The following IPO8 variants were observed in gnomAD, a reference collection of about 807,000 sequenced individuals.
IPO8 encodes importin-8.
In IPO8, 65 loss-of-function variants were observed where a neutral mutation model predicts 141.2. That is an observed-to-expected ratio of 0.46 (90% CI 0.38 to 0.57). IPO8 has a LOEUF of 0.57. Among genes scored for constraint, IPO8 ranks in the 20% least tolerant of loss-of-function variants. IPO8 has a pLI of 0.00. For missense variants in IPO8, 980 were observed against 1,246.8 expected (o/e 0.79, Z 3.22); for synonymous variants, 411 against 420.3 (o/e 0.98, Z 0.27).
intron 19 of IPO8, among the ~76,000 whole-genome samples, chr12:30,650,947 G>C (rs2136138565): frequency 6.6e-6 from 1 of 152,060 alleles, no homozygotes; most frequent in Non-Finnish European, 1.5e-5. Flanking sequence ...AAAGTGCTTA[G>C]AAAATGGCTG....
At chr12:30,673,121 T>C (rs2053074037) in intron 8 of IPO8, among the ~76,000 whole-genome samples, 2 of 151,988 alleles carry the variant, frequency 1.3e-5, no homozygotes, top group African/African-American at 2.4e-5. Context: ...TAGCCAGGTG[T>C]GGTGATGTGT....
intron 19 of IPO8, among the ~76,000 whole-genome samples, chr12:30,650,635 G>T (rs1017966099): frequency 1.3e-5 from 2 of 152,026 alleles, no homozygotes; most frequent in African/African-American, 4.8e-5. Context: ...GGGAATAAAA[G>T]AACCTACTTC....
chr12:30,695,566 G>A lies in IPO8; in HGVS notation c.82C>T (p.Gln28Ter), dbSNP rs2053331144. Residue 28 changes from glutamine to a stop codon, truncating the protein, a stop_gained and splice_region_variant, in exon 1 of 25, where the codon CAG (glutamine) becomes TAG (stop). Coordinates refer to ENST00000256079, the MANE Select transcript of IPO8 (RefSeq NM_006390.4). LOFTEE classifies it high-confidence loss of function. This position sits in a 1 kb window ranked among gnomAD's most constrained non-coding sequence, Gnocchi z 4.2. ...GTCGCCGAAGACCCTCTCCTCACCT[G>A]GTTGAGCTCGTTCTCGGCTGCAATC... ...LRIAAENELN[Q>*]SYKIINFAPS... 1 of 1,613,886 alleles carries A rather than the reference G, an allele frequency of 6.2e-7. No homozygotes were observed. The highest frequency in any genetic ancestry group is 8.5e-7 in the Non-Finnish European group (1 of 1,179,828).
At chr12:30,680,763 A>G in intron 4 of IPO8, 125 bp from the exon 5 acceptor site, 2 of 732,238 alleles carry the variant, frequency 2.7e-6, no homozygotes, top group Non-Finnish European at 4.2e-6. Context: ...ATTGGCTTCT[A>G]GTTTGTTTGA....
chr12:30,652,986 A>T lies in IPO8; in HGVS notation c.2055T>A (p.Asp685Glu). ...CCATACCTGTAAAGTATTCAAAGCA[A>T]TCCTGCTGAAACACTTCATATAGTA... ...LGILYEVFQQ[D>E]CFEYFTDMMP... The change falls in exon 18 of 25, where the codon GAT becomes GAA. Residue 685 changes from aspartate (D) to glutamate (E), a missense_variant. By Grantham distance (45) the Asp-to-Glu change is conservative. Around this residue, in one of 3 missense-constraint regions of IPO8, gnomAD observed 924 missense variants for 1,153.9 expected, o/e 0.80. Coordinates refer to ENST00000256079, the MANE Select transcript of IPO8 (RefSeq NM_006390.4). 1 of 1,610,738 alleles carries T rather than the reference A, an allele frequency of 6.2e-7. No individual in the cohort carries two copies. Among genetic ancestry groups the T allele is most frequent in the Non-Finnish European group, 8.5e-7 (1 of 1,178,450 alleles).
At chr12:30,687,605 G>A (rs80043412) in intron 2 of IPO8, among the ~76,000 whole-genome samples, 4,455 of 151,908 alleles carry the variant, frequency 0.029, 205 homozygotes, top group African/African-American at 0.1. Flanking sequence ...TCTGTGAAAG[G>A]CTAGATTAGA....
Position 30,661,184 on chromosome 12 carries a change from T to C in IPO8, c.1838A>G (p.His613Arg), listed in dbSNP as rs2052881634. ...DKTVMAMGIL[H>R]TIDTILTVVE... ...AACTGTTAAGATAGTATCAATGGTA[T>C]GTAAAATTCCCATAGCCATTACTGT... The change falls in exon 16 of 25, where the codon CAT becomes CGT. Residue 613 changes from histidine (H) to arginine (R), a missense_variant. By Grantham distance (29) the His-to-Arg change is conservative (BLOSUM62 0). Around this residue, in one of 3 missense-constraint regions of IPO8, gnomAD observed 924 missense variants for 1,153.9 expected, o/e 0.80. Coordinates refer to ENST00000256079, the MANE Select transcript of IPO8 (RefSeq NM_006390.4). 1 of 1,592,924 alleles carries C rather than the reference T, an allele frequency of 6.3e-7. No homozygotes were observed. Among genetic ancestry groups the C allele is most frequent in the Non-Finnish European group, 8.6e-7 (1 of 1,168,776 alleles).
intron 9 of IPO8, among the ~76,000 whole-genome samples, chr12:30,670,406 C>G (rs1765877956): frequency 6.6e-6 from 1 of 152,134 alleles, no homozygotes; most frequent in African/African-American, 2.4e-5. Context: ...TTATTAGTGG[C>G]CTATAATTTT....
Position 30,653,112 on chromosome 12 carries a change from T to G in IPO8, c.1949-20A>C, listed in dbSNP as rs199570084. 6.2e-7 allele frequency: 1 copy of G among 1,603,332 alleles called. No individual in the cohort carries two copies. The highest frequency in any genetic ancestry group is 1.1e-5 in the South Asian group (1 of 90,440). ...AGAATTCTAGAAGAAAGAAAATCTC[T>G]AGTTAGAATGCTAGGAAATAGCAAA... On this transcript the variant is annotated intron_variant, in intron 17 of 24. Transcript: ENST00000256079.
chr12:30,646,121 AC>A (rs1463669412), intron 20 of IPO8, among the ~76,000 whole-genome samples: 1 of 152,216 alleles, frequency 6.6e-6, no homozygotes, highest in Admixed American at 6.5e-5. Context: ...TTTAAAAACT[AC>A]CAGGAAATTT....
intron 2 of IPO8, among the ~76,000 whole-genome samples, chr12:30,685,144 T>C (rs2136172905): frequency 7.0e-6 from 1 of 143,046 alleles, no homozygotes; most frequent in East Asian, 2.0e-4. Context: ...TTTTCTTTTC[T>C]TTTTTTTTTT....
At chr12:30,635,925 TAAAG>T (rs1052126856) in intron 22 of IPO8, among the ~76,000 whole-genome samples, 2 of 151,836 alleles carry the variant, frequency 1.3e-5, no homozygotes, top group African/African-American at 4.8e-5. Flanking sequence ...TATAAGCCAA[TAAAG>T]AGTTGCCAAA....
intron 10 of IPO8, among the ~76,000 whole-genome samples, chr12:30,668,138 AAAT>A (rs1478393469): frequency 6.6e-6 from 1 of 152,170 alleles, no homozygotes; most frequent in East Asian, 1.9e-4. Flanking sequence ...AAGAAAGGGG[AAAT>A]AATAAGTTAC....
intron 20 of IPO8, among the ~76,000 whole-genome samples, chr12:30,642,700 A>T (rs2052591447): frequency 6.6e-6 from 1 of 151,810 alleles, no homozygotes; most frequent in Non-Finnish European, 1.5e-5. Flanking sequence ...ATATATATGT[A>T]TAGCAATGAA....
chr12:30,686,076 C>G (rs118080634), intron 2 of IPO8, among the ~76,000 whole-genome samples: 1 of 152,054 alleles, frequency 6.6e-6, no homozygotes, highest in Non-Finnish European at 1.5e-5. Context: ...AAAAACTGTT[C>G]CATCTATGAT....
chr12:30,639,789 T>C (rs759043684), intron 20 of IPO8, 54 bp from the exon 21 acceptor site: 4 of 1,291,830 alleles, frequency 3.1e-6, no homozygotes, highest in Middle Eastern at 1.8e-4. Flanking sequence ...GTAACTTTTA[T>C]AGAAGCTGAA....
At chr12:30,694,313 T>C (rs571884831) in intron 1 of IPO8, among the ~76,000 whole-genome samples, 217 of 152,324 alleles carry the variant, frequency 1.4e-3, no homozygotes, top group Admixed American at 2.5e-3. Context: ...CAGGCACCAG[T>C]GCATTATCTT....
intron 10 of IPO8, among the ~76,000 whole-genome samples, chr12:30,667,765 T>C (rs537814363): frequency 2.0e-5 from 3 of 152,330 alleles, no homozygotes; most frequent in South Asian, 4.1e-4. Flanking sequence ...TTCTAAAAAC[T>C]AGGGTATGTA....
chr12:30,629,366 G>A lies in IPO8; in HGVS notation c.*1494C>T, dbSNP rs2052399547. ...CAGCTTCAATGCCTTGGGAAGGGAG[G>A]AGCAGAGGAAAGCAGGGGGTCACTG... On this transcript the variant is annotated 3_prime_UTR_variant, in exon 25 of 25. Transcript: ENST00000256079. The A allele has an allele frequency of 6.6e-6, 1 of 152,134 alleles. No individual in the cohort carries two copies. Among genetic ancestry groups the A allele is most frequent in the Non-Finnish European group, 1.5e-5 (1 of 68,066 alleles). The allele number at this position is 152,134 out of a possible 1,614,324, so 9.4% of individuals were successfully genotyped here.
Sources: allele counts gnomAD v4.1 joint callset (sites outside exome capture counted in the v4.1 genomes callset), GRCh38; gene constraint gnomAD v4.1.1; regional missense constraint gnomAD v4.1.1; non-coding constraint Gnocchi (gnomAD v3.1); transcripts MANE v1.5; gene names NCBI Gene and HGNC (gene_info 2026-07-23, HGNC 2026-07-21).